CMIP: variants seen among roughly 807,000 people sequenced by gnomAD.
The protein encoded by CMIP is c-Maf inducing protein, also known as C-Maf-inducing protein.
In CMIP, 13 loss-of-function variants were observed where a neutral mutation model predicts 97.3. The observed-to-expected ratio is 0.13, with a 90% confidence interval of 0.09 to 0.21. The LOEUF is 0.21. Among genes scored for constraint, CMIP ranks in the 10% least tolerant of loss-of-function variants. The pLI is 1.00. For missense variants in CMIP, 847 were observed against 1,024.9 expected, an observed-to-expected ratio of 0.83 and a Z score of 2.37; for synonymous variants, 538 against 436.3, an observed-to-expected ratio of 1.23 and a Z score of -2.91.
At chr16:81,685,518 C>G (rs1483545833) in intron 10 of CMIP, among the ~76,000 whole-genome samples, 1 of 152,012 alleles carries the variant, frequency 6.6e-6, no homozygotes, top group East Asian at 1.9e-4. Context: ...ATGGAATATG[C>G]TTTATTTTTA....
chr16:81,581,492 C>G (rs2091295688), intron 1 of CMIP, among the ~76,000 whole-genome samples: 1 of 152,150 alleles, frequency 6.6e-6, no homozygotes, highest in South Asian at 2.1e-4. Context: ...CTAAGCATAT[C>G]TAAACATAGA....
chr16:81,541,216 T>C (rs1328809916), intron 1 of CMIP, among the ~76,000 whole-genome samples: 2 of 152,198 alleles, frequency 1.3e-5, no homozygotes, highest in Admixed American at 1.3e-4. Flanking sequence ...TTTTCCTTTA[T>C]ATTTACATTC....
chr16:81,550,724 C>T (rs2090635923), intron 1 of CMIP, among the ~76,000 whole-genome samples: 1 of 152,080 alleles, frequency 6.6e-6, no homozygotes, highest in African/African-American at 2.4e-5. Context: ...GGCTTTTGCC[C>T]ACTGGTGACC....
At chr16:81,539,839 A>C (rs779697969) in intron 1 of CMIP, among the ~76,000 whole-genome samples, 18 of 152,198 alleles carry the variant, frequency 1.2e-4, no homozygotes, top group Non-Finnish European at 2.2e-4. Flanking sequence ...ATGAATGCAC[A>C]GTTCATAGCA....
intron 1 of CMIP, among the ~76,000 whole-genome samples, chr16:81,462,330 G>C (rs374591030): frequency 1.3e-3 from 203 of 152,252 alleles, no homozygotes; most frequent in African/African-American, 4.7e-3. Context: ...AAAATGGTAA[G>C]ACAGAGCAGG....
At chr16:81,503,562 A>G (rs532630330) in intron 1 of CMIP, among the ~76,000 whole-genome samples, 45 of 152,114 alleles carry the variant, frequency 3.0e-4, no homozygotes, top group African/African-American at 9.2e-4. Context: ...GCACCTGGCT[A>G]ATTTTTAAAT....
At chr16:81,637,197 A>G (rs1013513056) in intron 3 of CMIP, among the ~76,000 whole-genome samples, 2 of 152,020 alleles carry the variant, frequency 1.3e-5, no homozygotes, top group Non-Finnish European at 2.9e-5. Context: ...CAGCCTCCCA[A>G]GTAGCTGGGA....
intron 1 of CMIP, among the ~76,000 whole-genome samples, chr16:81,494,582 G>A (rs561338788): frequency 2.6e-5 from 4 of 152,140 alleles, no homozygotes; most frequent in East Asian, 1.9e-4. Flanking sequence ...AGCCCCAGCC[G>A]GCTCCCGTTC....
chr16:81,554,508 C>T (rs1238709227), intron 1 of CMIP, among the ~76,000 whole-genome samples: 3 of 152,250 alleles, frequency 2.0e-5, no homozygotes, highest in African/African-American at 7.2e-5. Flanking sequence ...GTTCACAACA[C>T]ACCTCCAGGA....
chr16:81,652,414 C>T lies in CMIP; in HGVS notation c.639+50C>T, dbSNP rs753371473. ...TTACATTGTTTGCCTTTCCCTCCACCGATCACCGGCTCCATGCCAAGCAGC... is the reference window on the plus strand; with the variant it reads ...TTACATTGTTTGCCTTTCCCTCCACTGATCACCGGCTCCATGCCAAGCAGC... On this transcript the variant is annotated intron_variant, in intron 4 of 20. Coordinates refer to ENST00000537098, the MANE Select transcript of CMIP (RefSeq NM_198390.3). The surrounding 1 kb of genome is among the most constrained non-coding windows in gnomAD (Gnocchi z 5.2). 2.2e-5 allele frequency: 32 copies of T among 1,484,768 alleles called. No individual in the cohort carries two copies. The highest frequency in any genetic ancestry group is 2.4e-4 in the Middle Eastern group (1 of 4,174). 92.0% of individuals were successfully genotyped at this position (1,484,768 alleles called of 1,614,324 possible).
chr16:81,639,236 A>G (rs968075885), intron 3 of CMIP, among the ~76,000 whole-genome samples: 2 of 152,236 alleles, frequency 1.3e-5, no homozygotes, highest in Admixed American at 1.3e-4. Flanking sequence ...CCACATTCAG[A>G]TCACCTGGAG....
At chr16:81,664,173 A>G (rs1429795311) in intron 6 of CMIP, 96 bp from the exon 7 acceptor site, 3 of 1,187,736 alleles carry the variant, frequency 2.5e-6, no homozygotes, top group African/African-American at 3.1e-5. Flanking sequence ...CCAGGCACCC[A>G]CAGCTGGGCT....
chr16:81,700,276 C>T (rs1431107455), intron 15 of CMIP, among the ~76,000 whole-genome samples: 2 of 152,026 alleles, frequency 1.3e-5, no homozygotes, highest in African/African-American at 4.8e-5. Flanking sequence ...CCCTTCACCT[C>T]GTGGCCTCCA....
At chr16:81,479,025 G>A (rs1431651298) in intron 1 of CMIP, among the ~76,000 whole-genome samples, 1 of 152,180 alleles carries the variant, frequency 6.6e-6, no homozygotes, top group African/African-American at 2.4e-5. Context: ...AGGAGAAGCC[G>A]GGTCCTCAGG....
At chr16:81,520,569 G>GGGGAGAGAGAGAGAGAGAGAGAGAGA (rs370420453) in intron 1 of CMIP, 8 of 107,002 alleles carry the variant, frequency 7.5e-5, no homozygotes, top group African/African-American at 1.7e-4. Flanking sequence ...GGAGGAAGGG[G>GGGGAGAGAGAGAGAGAGAGAGAGAGA]GAGAGAGAGA....
chr16:81,641,670 C>T (rs1018899327), intron 3 of CMIP, among the ~76,000 whole-genome samples: 9 of 152,180 alleles, frequency 5.9e-5, no homozygotes, highest in East Asian at 1.9e-4. Flanking sequence ...AGGCCACCAC[C>T]GGTGGGCATT....
rs1224419774 is a variant in CMIP at position 81,693,213 on chromosome 16, A to G, written c.1481+29A>G. On this transcript the variant is annotated intron_variant, in intron 12 of 20. Coordinates refer to ENST00000537098, the MANE Select transcript of CMIP (RefSeq NM_198390.3). Reference sequence around the variant, plus strand: ...AGTGTCTGGGCACCGCCCTCATTCCATTCTGGCACGCACGGCCTCTGTCCT... The same window carrying G: ...AGTGTCTGGGCACCGCCCTCATTCCGTTCTGGCACGCACGGCCTCTGTCCT... 1.2e-5 allele frequency: 20 copies of G among 1,604,056 alleles called. No individual in the cohort carries two copies. The African/African-American group carries it at 2.3e-4, about 18-fold the overall frequency.
At chr16:81,552,359 G>C (rs1443173529) in intron 1 of CMIP, among the ~76,000 whole-genome samples, 1 of 152,162 alleles carries the variant, frequency 6.6e-6, no homozygotes, top group Non-Finnish European at 1.5e-5. Flanking sequence ...CCCAGTGGCT[G>C]AAAACCACAC....
intron 10 of CMIP, among the ~76,000 whole-genome samples, chr16:81,686,496 C>T (rs1376961701): frequency 2.0e-5 from 3 of 152,222 alleles, no homozygotes; most frequent in African/African-American, 7.2e-5. Context: ...ACCCTCTGCC[C>T]TCACATACCG....
Sources: gnomAD v4.1 joint callset for allele counts (sites outside exome capture counted in the v4.1 genomes callset) on GRCh38, gnomAD v4.1.1 for gene constraint, Gnocchi (gnomAD v3.1) non-coding constraint, MANE v1.5 for transcripts, NCBI Gene and HGNC (gene_info 2026-07-23, HGNC 2026-07-21) for gene names.